Variants in CEP112 observed in about 807,000 individuals in gnomAD.
CEP112 encodes the protein centrosomal protein of 112 kDa.
In CEP112, 127 loss-of-function variants were observed where a neutral mutation model predicts 153.0. The ratio of observed to expected loss-of-function variants is 0.83; its 90% CI spans 0.72 to 0.96. The LOEUF is 0.96. Ranked by LOEUF, CEP112 falls within the 40% of genes least tolerant of loss-of-function variation. CEP112 has a pLI of 0.00. For synonymous variants in CEP112, 358 were observed against 374.4 expected (o/e 0.96, Z 0.51); for missense variants, 1,089 against 1,101.2 (o/e 0.99, Z 0.16).
At chr17:66,046,338 G>A (rs376007170) in intron 12 of CEP112, among the ~76,000 whole-genome samples, 9 of 151,968 alleles carry the variant, frequency 5.9e-5, no homozygotes, top group South Asian at 4.1e-4. Context: ...CACCACGCCC[G>A]GCCAAAAAGT....
intron 17 of CEP112, among the ~76,000 whole-genome samples, chr17:65,963,289 T>C (rs867150368): frequency 6.6e-4 from 100 of 152,210 alleles, no homozygotes; most frequent in African/African-American, 2.3e-3. Flanking sequence ...GGTGGGTAAT[T>C]TAACTCACTC....
chr17:65,970,980 T>A (rs12603031), intron 17 of CEP112, among the ~76,000 whole-genome samples: 62,691 of 151,298 alleles, frequency 0.41, 14,313 homozygotes, highest in East Asian at 0.87. Context: ...AGGCTGATTT[T>A]AAAAAACTTT....
intron 6 of CEP112, among the ~76,000 whole-genome samples, chr17:66,114,938 C>T (rs2069215172): frequency 1.3e-5 from 2 of 151,990 alleles, no homozygotes; most frequent in South Asian, 4.1e-4. Flanking sequence ...GGCGCAGTGG[C>T]TCATGCCTGT....
At chr17:65,836,199 C>T (rs1020410969) in intron 21 of CEP112, among the ~76,000 whole-genome samples, 3 of 152,002 alleles carry the variant, frequency 2.0e-5, no homozygotes, top group Admixed American at 6.6e-5. Context: ...ATCAGTTAAC[C>T]GCAAAGGAAG....
In CEP112 at chr17:65,643,117, T is replaced by A. The variant is rs112208004; in HGVS notation, c.2698-2052A>T. On this transcript the variant is annotated intron_variant, in intron 24 of 26. Coordinates refer to ENST00000535342, the MANE Select transcript of CEP112 (RefSeq NM_001199165.4). ...AATGTGGAAACCACCAGGGCCTTTGTGGAGAAAATGGAGGGGGCTGAAGGA... is the reference window on the plus strand; with the variant it reads ...AATGTGGAAACCACCAGGGCCTTTGAGGAGAAAATGGAGGGGGCTGAAGGA... 3.5e-3 allele frequency among the ~76,000 whole-genome samples: 525 copies of A among 152,050 alleles called. 3 individuals are homozygous for A. The highest frequency in any genetic ancestry group is 0.012 in the African/African-American group (504 of 41,526).
At chr17:65,750,430 T>G (rs907301991) in intron 22 of CEP112, among the ~76,000 whole-genome samples, 1 of 152,200 alleles carries the variant, frequency 6.6e-6, no homozygotes, top group Non-Finnish European at 1.5e-5. Context: ...TGTGTGTGTG[T>G]GTGCATGTGT....
chr17:66,165,518 T>C (rs1195613590), intron 4 of CEP112, among the ~76,000 whole-genome samples: 1 of 152,230 alleles, frequency 6.6e-6, no homozygotes, highest in Non-Finnish European at 1.5e-5. Flanking sequence ...AAGGTATTGA[T>C]TGGCTCCTTG....
intron 17 of CEP112, among the ~76,000 whole-genome samples, chr17:65,981,569 T>C (rs1185975312): frequency 9.4e-6 from 1 of 106,486 alleles, no homozygotes; most frequent in Admixed American, 7.8e-5. Flanking sequence ...TCGTGGTTTT[T>C]GATTTTTTTG....
At chr17:66,126,928 C>T (rs867872988) in intron 6 of CEP112, among the ~76,000 whole-genome samples, 17 of 152,186 alleles carry the variant, frequency 1.1e-4, no homozygotes, top group African/African-American at 3.9e-4. Flanking sequence ...AGAAAACAAG[C>T]CAGTCACACA....
chr17:65,729,777 C>T (rs746365395), intron 23 of CEP112, among the ~76,000 whole-genome samples: 17 of 152,090 alleles, frequency 1.1e-4, no homozygotes, highest in South Asian at 6.2e-4. Context: ...GGTGTGGTGA[C>T]GCACATCTGT....
chr17:66,126,926 A>C (rs983541772), intron 6 of CEP112, among the ~76,000 whole-genome samples: 1 of 152,310 alleles, frequency 6.6e-6, no homozygotes, highest in African/African-American at 2.4e-5. Flanking sequence ...AAAGAAAACA[A>C]GCCAGTCACA....
chr17:65,736,584 T>C (rs972988155), intron 23 of CEP112, among the ~76,000 whole-genome samples: 4 of 152,002 alleles, frequency 2.6e-5, no homozygotes, highest in African/African-American at 7.2e-5. Flanking sequence ...ATTATTTCAG[T>C]GCAAAAAAGA....
intron 17 of CEP112, among the ~76,000 whole-genome samples, chr17:65,995,975 G>C (rs1383219131): frequency 6.6e-6 from 1 of 152,132 alleles, no homozygotes; most frequent in African/African-American, 2.4e-5. Context: ...CAGCCACATG[G>C]AACTGTGAGT....
intron 21 of CEP112, among the ~76,000 whole-genome samples, chr17:65,789,132 C>T (rs1307961547): frequency 6.6e-6 from 1 of 152,148 alleles, no homozygotes; most frequent in Non-Finnish European, 1.5e-5. Context: ...TAACTGAACT[C>T]GATCATTTCT....
chr17:66,189,152 G>T (rs941289697), intron 1 of CEP112, among the ~76,000 whole-genome samples: 1 of 152,132 alleles, frequency 6.6e-6, no homozygotes, highest in Non-Finnish European at 1.5e-5. Context: ...CTAGCCCTCA[G>T]ATTTATTATA....
intron 22 of CEP112, among the ~76,000 whole-genome samples, 183 bp downstream of exon 22, chr17:65,750,479 G>A (rs1297458837): frequency 6.6e-6 from 1 of 151,826 alleles, no homozygotes; most frequent in African/African-American, 2.4e-5. Flanking sequence ...AATTTTTCTT[G>A]ATTTTTAATG....
At chr17:66,170,046 G>A (rs2072178517) in intron 4 of CEP112, among the ~76,000 whole-genome samples, 1 of 152,142 alleles carries the variant, frequency 6.6e-6, no homozygotes, top group African/African-American at 2.4e-5. Flanking sequence ...TCTGATTCAT[G>A]TATGATTTGT....
chr17:65,732,384 A>C (rs968591217), intron 23 of CEP112, among the ~76,000 whole-genome samples: 5 of 152,172 alleles, frequency 3.3e-5, no homozygotes, highest in African/African-American at 1.2e-4. Flanking sequence ...TTCTTGTTCC[A>C]CTGAAAAAGC....
chr17:65,838,145 G>T (rs911199962), intron 21 of CEP112, among the ~76,000 whole-genome samples: 1 of 151,596 alleles, frequency 6.6e-6, no homozygotes, highest in African/African-American at 2.4e-5. Context: ...AATAAAAAAT[G>T]GATTAAAAAA....
Sources: gnomAD v4.1 joint callset for allele counts (sites outside exome capture counted in the v4.1 genomes callset) on GRCh38, gnomAD v4.1.1 for gene constraint, MANE v1.5 for transcripts, NCBI Gene and HGNC (gene_info 2026-07-23, HGNC 2026-07-21) for gene names.